Variants in WBP1L observed in about 807,000 individuals in gnomAD.
WBP1L encodes the protein WW domain binding protein 1-like.
In WBP1L, 17 loss-of-function variants were observed where a neutral mutation model predicts 33.7. The ratio of observed to expected loss-of-function variants is 0.50; its 90% CI spans 0.34 to 0.76. The LOEUF is 0.76. WBP1L is among the 30% of genes least tolerant of loss of function. WBP1L has a pLI of 0.01. For synonymous variants in WBP1L, 173 were observed against 190.8 expected, an observed-to-expected ratio of 0.91 and a Z score of 0.77; for missense variants, 389 against 469.4, an observed-to-expected ratio of 0.83 and a Z score of 1.58.
At chr10:102,812,523 A>G (rs1843858422) in intron 3 of WBP1L, 72 bp from the exon 4 acceptor site, 4 of 1,469,238 alleles carry the variant, frequency 2.7e-6, no homozygotes, top group Non-Finnish European at 3.6e-6. Flanking sequence ...GCAAATATTC[A>G]GTGGGAGCTT....
At chr10:102,762,216 A>G (rs902687231) in intron 1 of WBP1L, among the ~76,000 whole-genome samples, 1 of 152,168 alleles carries the variant, frequency 6.6e-6, no homozygotes, top group African/African-American at 2.4e-5. Context: ...AGAAGTAAAA[A>G]TAAATAAAAA....
chr10:102,765,474 T>C (rs1199274436), intron 1 of WBP1L, among the ~76,000 whole-genome samples: 1 of 152,150 alleles, frequency 6.6e-6, no homozygotes, highest in East Asian at 1.9e-4. Flanking sequence ...GCTCAAGTGA[T>C]CCACCCTCCT....
At chr10:102,778,724 T>C (rs1428362300) in intron 1 of WBP1L, among the ~76,000 whole-genome samples, 1 of 152,234 alleles carries the variant, frequency 6.6e-6, no homozygotes, top group Non-Finnish European at 1.5e-5. Context: ...ATGTTCTTTA[T>C]TGGAGCCATG....
chr10:102,784,574 C>T (rs868120077), intron 1 of WBP1L, among the ~76,000 whole-genome samples: 70 of 151,742 alleles, frequency 4.6e-4, no homozygotes, highest in Middle Eastern at 3.4e-3. Flanking sequence ...TACAGGCGCC[C>T]GCCACCACAC....
intron 1 of WBP1L, among the ~76,000 whole-genome samples, chr10:102,759,083 C>T (rs1481690765): frequency 1.3e-5 from 2 of 152,148 alleles, no homozygotes; most frequent in Non-Finnish European, 2.9e-5. Flanking sequence ...TGTGGGCAGG[C>T]CTGGATAATA....
intron 1 of WBP1L, among the ~76,000 whole-genome samples, chr10:102,751,121 C>G (rs1842920621): frequency 6.6e-6 from 1 of 152,016 alleles, no homozygotes; most frequent in South Asian, 2.1e-4. Flanking sequence ...CTGTCTCAGC[C>G]TCCTGAGTAG....
At chr10:102,799,417 C>T (rs1843620156) in intron 2 of WBP1L, among the ~76,000 whole-genome samples, 1 of 152,104 alleles carries the variant, frequency 6.6e-6, no homozygotes, top group Non-Finnish European at 1.5e-5. Flanking sequence ...TCAAGTTGCA[C>T]GACAGTGGTG....
intron 1 of WBP1L, among the ~76,000 whole-genome samples, chr10:102,757,994 C>T (rs1264469442): frequency 1.9e-5 from 2 of 105,526 alleles, no homozygotes; most frequent in East Asian, 7.6e-4. Flanking sequence ...CAGGCAATTC[C>T]CCTGCCTCAG....
intron 1 of WBP1L, among the ~76,000 whole-genome samples, chr10:102,746,942 A>C (rs1433435966): frequency 1.3e-5 from 2 of 152,114 alleles, no homozygotes; most frequent in Admixed American, 1.3e-4. Flanking sequence ...TGAAACAGCC[A>C]TTTCTTGTTT....
At position 102,768,934 on chromosome 10, in the gene WBP1L, T is replaced by C. The variant is rs1225729662; in HGVS notation, c.90+24791T>C. On this transcript the variant is annotated intron_variant, in intron 1 of 3. Transcript: ENST00000448841. ...TGATCTCCTGACCTCGTGATCCACC[T>C]GCCTCAGCCTCCCAAAGTGCTGAGA... Among the ~76,000 whole-genome samples the C allele has an allele frequency of 8.7e-4, 132 of 151,914 alleles. 2 individuals carry two copies. The highest frequency in any genetic ancestry group is 8.7e-3 in the Admixed American group (132 of 15,246).
intron 1 of WBP1L, 46 bp from the exon 2 acceptor site, chr10:102,797,947 C>T: frequency 6.5e-7 from 1 of 1,541,816 alleles, no homozygotes; most frequent in African/African-American, 1.4e-5. Flanking sequence ...GGAAAGTGTT[C>T]AAAAGCTGTC....
chr10:102,748,353 C>T (rs961053835), intron 1 of WBP1L, among the ~76,000 whole-genome samples: 2 of 152,122 alleles, frequency 1.3e-5, no homozygotes, highest in African/African-American at 4.8e-5. Context: ...ATGGTATACC[C>T]TTTGGTTCCC....
chr10:102,766,287 C>G (rs1843106701), intron 1 of WBP1L, among the ~76,000 whole-genome samples: 6 of 151,682 alleles, frequency 4.0e-5, no homozygotes, highest in Admixed American at 3.9e-4. Flanking sequence ...ACTAAAAATA[C>G]AAAAATTAGC....
chr10:102,773,237 C>T (rs912853666), intron 1 of WBP1L, among the ~76,000 whole-genome samples: 1 of 152,088 alleles, frequency 6.6e-6, no homozygotes, highest in African/African-American at 2.4e-5. Context: ...TTCTCCTCAC[C>T]CCTCAGATAT....
chr10:102,772,725 A>G (rs1397003345), intron 1 of WBP1L, among the ~76,000 whole-genome samples: 2 of 150,304 alleles, frequency 1.3e-5, no homozygotes, highest in African/African-American at 5.0e-5. Flanking sequence ...ATGTGCCACC[A>G]TGCCCAGCTA....
At chr10:102,780,687 G>A (rs1337428688) in intron 1 of WBP1L, among the ~76,000 whole-genome samples, 2 of 152,234 alleles carry the variant, frequency 1.3e-5, no homozygotes, top group Non-Finnish European at 2.9e-5. Flanking sequence ...ACATTCTGCA[G>A]GTGGTAGCAA....
intron 1 of WBP1L, among the ~76,000 whole-genome samples, chr10:102,790,421 C>T (rs1843479103): frequency 1.3e-5 from 2 of 152,066 alleles, no homozygotes; most frequent in South Asian, 2.1e-4. Context: ...TCTTATCCTG[C>T]TATTTGTTGA....
At chr10:102,752,159 G>A (rs1193047752) in intron 1 of WBP1L, among the ~76,000 whole-genome samples, 1 of 152,096 alleles carries the variant, frequency 6.6e-6, no homozygotes, top group Non-Finnish European at 1.5e-5. Flanking sequence ...GGAGGCCAGG[G>A]ATGCTGCTTA....
chr10:102,743,951 A>G lies in WBP1L; in HGVS notation c.-103A>G. On this transcript the variant is annotated 5_prime_UTR_variant, in exon 1 of 4. Coordinates refer to ENST00000448841, the MANE Select transcript of WBP1L (RefSeq NM_001083913.2). ...GAGCCGGAAGCGGGAGGGGAGCGTC[A>G]AACAGGAAAAGAAGGGAAGAAGGAA... The G allele has an allele frequency of 2.1e-6, 2 of 944,144 alleles. No individual in the cohort carries two copies. The highest frequency in any genetic ancestry group is 3.3e-5 in the South Asian group (2 of 61,368). 58.5% of individuals were successfully genotyped at this position (944,144 alleles called of 1,614,324 possible).
Sources: gnomAD v4.1 joint callset for allele counts (sites outside exome capture counted in the v4.1 genomes callset) on GRCh38, gnomAD v4.1.1 for gene constraint, MANE v1.5 for transcripts, NCBI Gene and HGNC (gene_info 2026-07-23, HGNC 2026-07-21) for gene names.